Variants in HTR2A observed in about 807,000 individuals in gnomAD.
The protein encoded by HTR2A is 5-hydroxytryptamine receptor 2A.
In HTR2A, 14 loss-of-function variants were observed where a neutral mutation model predicts 31.0. The ratio of observed to expected loss-of-function variants is 0.45; its 90% CI spans 0.30 to 0.71. The LOEUF (loss-of-function observed/expected upper bound fraction) is 0.71, where lower values mean the gene tolerates loss of function less well. HTR2A is among the 30% of genes least tolerant of loss of function. HTR2A has a pLI of 0.09. For synonymous variants in HTR2A, 209 were observed against 225.2 expected (o/e 0.93, Z 0.64); for missense variants, 442 against 573.3 (o/e 0.77, Z 2.34).
chr13:46,841,883 C>T (rs1275633257), intron 3 of HTR2A, among the ~76,000 whole-genome samples: 1 of 152,040 alleles, frequency 6.6e-6, no homozygotes. Context: ...ACCATTTCAG[C>T]CCCCAGACAA....
chr13:46,884,561 G>C (rs1245149820), intron 3 of HTR2A, among the ~76,000 whole-genome samples: 3 of 152,180 alleles, frequency 2.0e-5, no homozygotes, highest in Admixed American at 2.0e-4. Flanking sequence ...ATACTCAGGA[G>C]GCTGAGCCAG....
Position 46,834,887 on chromosome 13 carries a change from C to T in HTR2A, c.1366G>A (p.Ala456Thr). 1.2e-6 allele frequency: 2 copies of T among 1,614,000 alleles called. No individual in the cohort carries two copies. The highest frequency in any genetic ancestry group is 1.7e-6 in the Non-Finnish European group (2 of 1,179,942). The change falls in exon 4 of 4, where the codon GCT becomes ACT. Residue 456 changes from alanine (A) to threonine (T), a missense_variant. Around this residue, in one of 5 missense-constraint regions of HTR2A, gnomAD observed 88 missense variants for 83.1 expected, o/e 1.06. Transcript: ENST00000542664. ...ACTCCGTCGCTATTGTCTTTAGAAG[C>T]CTCTTCAGAATGCTGCTTTCCTAGA... is the stretch of plus-strand genomic sequence containing the variant. ...VALGKQHSEE[A>T]SKDNSDGVNE...
intron 3 of HTR2A, among the ~76,000 whole-genome samples, chr13:46,850,087 C>A (rs1227364591): frequency 6.6e-6 from 1 of 152,174 alleles, no homozygotes; most frequent in Non-Finnish European, 1.5e-5. Context: ...TGGGGGCTAA[C>A]AATTCTGACA....
rs147552687 is a variant in HTR2A at position 46,866,372 on chromosome 13, C to T, written c.613+26018G>A. ...TTCCTGTCCTAGGGTCTGTCAGCCACTCTGCAGAGCTATCCTGTACTGCCT... is the reference window on the plus strand; with the variant it reads ...TTCCTGTCCTAGGGTCTGTCAGCCATTCTGCAGAGCTATCCTGTACTGCCT... On this transcript the variant is annotated intron_variant, in intron 3 of 3. Coordinates refer to ENST00000542664, the MANE Select transcript of HTR2A (RefSeq NM_000621.5). Among the ~76,000 whole-genome samples the T allele has an allele frequency of 1.7e-3, 252 of 152,236 alleles. 3 individuals carry two copies. Among genetic ancestry groups the T allele is most frequent in the African/African-American group, 5.9e-3 (247 of 41,540 alleles).
At chr13:46,850,940 C>T (rs192286751) in intron 3 of HTR2A, among the ~76,000 whole-genome samples, 1 of 152,156 alleles carries the variant, frequency 6.6e-6, no homozygotes, top group South Asian at 2.1e-4. Context: ...GTGTCCCGTA[C>T]CTGTGCTGAT....
rs776914593 is a variant in HTR2A at position 46,835,423 on chromosome 13, T to C, written c.830A>G (p.Lys277Arg). 9 of 1,614,016 alleles carry C rather than the reference T, an allele frequency of 5.6e-6. No individual in the cohort carries two copies. Among genetic ancestry groups the C allele is most frequent in the African/African-American group, 1.3e-5 (1 of 74,922 alleles). Residue 277 changes from lysine to arginine, a missense_variant, in exon 4 of 4, where the codon AAA becomes AGA. Lys to Arg is a conservative substitution (Grantham distance 26). This residue lies in a region of HTR2A where 174 missense variants were observed against 195.1 expected (regional missense o/e 0.89). Transcript: ENST00000542664. The part of the protein sequence containing the change: ...LCVSDLGTRA[K>R]LASFSFLPQS... ...AGGGAGGAAGCTGAAAGAAGCTAAT[T>C]TGGCCCGTGTGCCAAGATCACTTAC...
At chr13:46,847,846 T>C (rs1308441077) in intron 3 of HTR2A, among the ~76,000 whole-genome samples, 1 of 152,174 alleles carries the variant, frequency 6.6e-6, no homozygotes, top group East Asian at 1.9e-4. Context: ...ATCATGCAGA[T>C]AGATTAGTGC....
At chr13:46,880,604 C>T (rs966792778) in intron 3 of HTR2A, among the ~76,000 whole-genome samples, 7 of 152,026 alleles carry the variant, frequency 4.6e-5, no homozygotes, top group Non-Finnish European at 8.8e-5. Flanking sequence ...TTTGGGAGGC[C>T]GAGGCAGGCG....
chr13:46,896,793 T>C lies in HTR2A; in HGVS notation c.-448A>G, dbSNP rs1383849940. On this transcript the variant is annotated 5_prime_UTR_variant, in exon 1 of 4. Coordinates refer to ENST00000542664, the MANE Select transcript of HTR2A (RefSeq NM_000621.5). ...TTGATCTTCCACCAGCATAATATGA[T>C]AGTAATTTGGTTTCTGTTTTGCTGA... is the stretch of plus-strand genomic sequence containing the variant. 2 of 1,536,978 alleles carry C rather than the reference T, an allele frequency of 1.3e-6. No homozygotes were observed. Among genetic ancestry groups the C allele is most frequent in the South Asian group, 1.2e-5 (1 of 84,024 alleles).
chr13:46,892,351 G>GTC, intron 3 of HTR2A, 39 bp downstream of exon 3: 1 of 1,571,734 alleles, frequency 6.4e-7, no homozygotes, highest in Non-Finnish European at 8.8e-7. Context: ...AGCACGAACT[G>GTC]TCATTTCAAA....
chr13:46,891,997 G>A (rs754870991), intron 3 of HTR2A, among the ~76,000 whole-genome samples: 5 of 152,132 alleles, frequency 3.3e-5, no homozygotes, highest in Admixed American at 2.0e-4. Context: ...GAGCCCAGAG[G>A]CTTTATGTTC....
At chr13:46,874,076 T>C (rs1016001424) in intron 3 of HTR2A, among the ~76,000 whole-genome samples, 3 of 152,196 alleles carry the variant, frequency 2.0e-5, no homozygotes, top group African/African-American at 7.2e-5. Flanking sequence ...AATAAAACTC[T>C]CTCCTGCTGA....
At chr13:46,875,684 T>C (rs958579492) in intron 3 of HTR2A, among the ~76,000 whole-genome samples, 1 of 152,064 alleles carries the variant, frequency 6.6e-6, no homozygotes, top group Non-Finnish European at 1.5e-5. Context: ...AGGATCATCA[T>C]AAAATGGATG....
At chr13:46,894,164 TG>T (rs1158103519) in intron 2 of HTR2A, among the ~76,000 whole-genome samples, 11 of 152,082 alleles carry the variant, frequency 7.2e-5, no homozygotes, top group Non-Finnish European at 1.5e-4. Context: ...CCCCGTGGGC[TG>T]GGGGAGGCTG....
chr13:46,843,288 A>C (rs149421315), intron 3 of HTR2A, among the ~76,000 whole-genome samples: 21 of 152,326 alleles, frequency 1.4e-4, no homozygotes, highest in African/African-American at 4.8e-4. Flanking sequence ...ACTTTATCAC[A>C]GGTATGTGCA....
intron 3 of HTR2A, among the ~76,000 whole-genome samples, chr13:46,881,722 C>T (rs1210272221): frequency 6.6e-6 from 1 of 152,096 alleles, no homozygotes; most frequent in Non-Finnish European, 1.5e-5. Context: ...TGACTAATAG[C>T]CGTATAAAGG....
intron 3 of HTR2A, among the ~76,000 whole-genome samples, chr13:46,854,597 TATC>T (rs1950716833): frequency 6.6e-6 from 1 of 152,178 alleles, no homozygotes; most frequent in African/African-American, 2.4e-5. Context: ...CAGAACAAAA[TATC>T]ATTATCCCCA....
At chr13:46,887,491 A>G (rs1289278099) in intron 3 of HTR2A, among the ~76,000 whole-genome samples, 1 of 151,814 alleles carries the variant, frequency 6.6e-6, no homozygotes, top group Non-Finnish European at 1.5e-5. Flanking sequence ...ACATATCAAC[A>G]GACAGAATGA....
chr13:46,855,149 G>GA (rs1950723725), intron 3 of HTR2A, among the ~76,000 whole-genome samples: 1 of 152,128 alleles, frequency 6.6e-6, no homozygotes, highest in Non-Finnish European at 1.5e-5. Context: ...TTGATTCCCA[G>GA]AATTCTGACC....
Sources: gnomAD v4.1 joint callset for allele counts (sites outside exome capture counted in the v4.1 genomes callset) on GRCh38, gnomAD v4.1.1 for gene constraint, gnomAD v4.1.1 regional missense constraint, MANE v1.5 for transcripts, NCBI Gene and HGNC (gene_info 2026-07-23, HGNC 2026-07-21) for gene names.